The following DNAJC1 variants were observed in gnomAD, a reference collection of about 807,000 sequenced individuals.
DNAJC1 encodes dnaJ homolog subfamily C member 1.
DNAJC1 carries 58 observed loss-of-function variants against 76.6 expected under a neutral mutation model. The observed-to-expected ratio is 0.76, with a 90% CI of 0.61 to 0.94. The LOEUF (loss-of-function observed/expected upper bound fraction) is 0.94, where lower values mean the gene tolerates loss of function less well. DNAJC1 is among the 40% of genes least tolerant of loss of function. The pLI, the probability that DNAJC1 is intolerant of heterozygous loss-of-function variation, is 0.00. For missense variants in DNAJC1, 689 were observed against 677.3 expected, an observed-to-expected ratio of 1.02 and a Z score of -0.19; for synonymous variants, 258 against 267.9, an observed-to-expected ratio of 0.96 and a Z score of 0.36.
rs75706373 is a variant in DNAJC1 at position 21,930,856 on chromosome 10, T to C, written c.223-1715A>G. Among the ~76,000 whole-genome samples, 482 of 152,348 alleles carry C rather than the reference T, an allele frequency of 3.2e-3. 4 individuals carry two copies. The highest frequency in any genetic ancestry group is 0.011 in the African/African-American group (448 of 41,576). On this transcript the variant is annotated intron_variant, in intron 1 of 11. Coordinates refer to ENST00000376980, the MANE Select transcript of DNAJC1 (RefSeq NM_022365.4). ...AATAACCAATCTCTAATTGGGATTT[T>C]AATTGTAGATTTTTTTAAATTGGGA...
intron 1 of DNAJC1, among the ~76,000 whole-genome samples, chr10:21,974,100 CAAAA>C (rs576578440): frequency 1.3e-5 from 1 of 74,362 alleles, no homozygotes. Flanking sequence ...AGACCCGTCT[CAAAA>C]AAAAAAAAAA....
chr10:21,881,077 C>T (rs1000755676), intron 8 of DNAJC1, among the ~76,000 whole-genome samples: 6 of 152,184 alleles, frequency 3.9e-5, no homozygotes, highest in Admixed American at 3.3e-4. Flanking sequence ...TTCCTTAAGC[C>T]TAATGAACCA....
intron 8 of DNAJC1, among the ~76,000 whole-genome samples, chr10:21,818,675 C>A (rs1157736350): frequency 6.6e-6 from 1 of 152,084 alleles, no homozygotes; most frequent in African/African-American, 2.4e-5. Context: ...CTGGCCGACG[C>A]TTAGGAAAAA....
intron 1 of DNAJC1, among the ~76,000 whole-genome samples, chr10:21,962,460 T>C (rs1423879440): frequency 7.9e-5 from 1 of 12,728 alleles, no homozygotes; most frequent in Non-Finnish European, 1.3e-4. Flanking sequence ...ATTTTATTGC[T>C]TTTTTTTTTT....
intron 9 of DNAJC1, among the ~76,000 whole-genome samples, chr10:21,790,159 T>TAA (rs779854863): frequency 2.6e-5 from 3 of 114,962 alleles, no homozygotes; most frequent in Non-Finnish European, 3.7e-5. Flanking sequence ...ATCAAAAAAG[T>TAA]AAAAAAAAAA....
intron 8 of DNAJC1, among the ~76,000 whole-genome samples, chr10:21,830,958 T>A (rs950543130): frequency 2.0e-5 from 3 of 152,234 alleles, no homozygotes; most frequent in Admixed American, 6.5e-5. Flanking sequence ...ATCTCTTTAA[T>A]CATTATAGAA....
At chr10:21,965,762 C>T (rs75401859) in intron 1 of DNAJC1, among the ~76,000 whole-genome samples, 2,666 of 152,244 alleles carry the variant, frequency 0.018, 39 homozygotes, top group Middle Eastern at 0.048. Context: ...AGGGTGGACG[C>T]GTTCCTCCTA....
chr10:21,909,228 T>C (rs552104969), intron 6 of DNAJC1, among the ~76,000 whole-genome samples: 1 of 152,338 alleles, frequency 6.6e-6, no homozygotes, highest in African/African-American at 2.4e-5. Flanking sequence ...CCTGCCTTCA[T>C]AGACATCAAA....
chr10:21,798,101 G>A (rs7093279), intron 9 of DNAJC1, among the ~76,000 whole-genome samples: 5 of 152,240 alleles, frequency 3.3e-5, no homozygotes, highest in South Asian at 2.1e-4. Context: ...AATCATTTCC[G>A]CTCACAGTTC....
chr10:21,895,189 G>A (rs1836521621), intron 7 of DNAJC1, among the ~76,000 whole-genome samples: 1 of 152,190 alleles, frequency 6.6e-6, no homozygotes, highest in South Asian at 2.1e-4. Flanking sequence ...CATTAAGCAT[G>A]TTTCCAGTGA....
intron 9 of DNAJC1, among the ~76,000 whole-genome samples, chr10:21,796,032 T>C (rs1834747329): frequency 6.6e-6 from 1 of 150,854 alleles, no homozygotes; most frequent in Non-Finnish European, 1.5e-5. Flanking sequence ...TGTAGTGGCA[T>C]GATCTTGGCT....
At chr10:21,825,428 T>C (rs1345910382) in intron 8 of DNAJC1, among the ~76,000 whole-genome samples, 1 of 152,244 alleles carries the variant, frequency 6.6e-6, no homozygotes, top group Non-Finnish European at 1.5e-5. Context: ...TTAGTCAATC[T>C]AGTGATGAAC....
chr10:21,891,846 A>C (rs1195765043), intron 7 of DNAJC1, among the ~76,000 whole-genome samples: 1 of 152,206 alleles, frequency 6.6e-6, no homozygotes, highest in Non-Finnish European at 1.5e-5. Flanking sequence ...TAAATCATAA[A>C]AGAAAATATA....
intron 7 of DNAJC1, among the ~76,000 whole-genome samples, chr10:21,887,175 C>A (rs1189927917): frequency 6.6e-6 from 1 of 151,986 alleles, no homozygotes; most frequent in Non-Finnish European, 1.5e-5. Context: ...AGGAATACAG[C>A]CAACCAGGGA....
In DNAJC1 at chr10:21,813,220, CTATATA is replaced by C. The variant is rs777283982; in HGVS notation, c.979-7127_979-7122del. 8.9e-3 allele frequency among the ~76,000 whole-genome samples: 169 copies of C among 19,070 alleles called. 2 individuals carry two copies. Among genetic ancestry groups the C allele is most frequent in the East Asian group, 0.016 (14 of 854 alleles). 12.5% of individuals were successfully genotyped at this position (19,070 alleles called of 152,430 possible). A position where few individuals can be genotyped will look rare whatever the true frequency, so the allele number is the denominator to read the frequency against. ...TCTCTCTCTCTCTCTCTCTCTCTCT[CTATATA>C]TATATATATATATATATACACATAC... On this transcript the variant is annotated intron_variant, in intron 8 of 11. Transcript: ENST00000376980.
At chr10:21,879,442 G>A (rs865887625) in intron 8 of DNAJC1, among the ~76,000 whole-genome samples, 16 of 152,020 alleles carry the variant, frequency 1.1e-4, no homozygotes, top group South Asian at 2.1e-4. Context: ...TGGCCAACAC[G>A]GTGAAACCCC....
intron 1 of DNAJC1, among the ~76,000 whole-genome samples, chr10:21,947,280 C>G (rs1023087252): frequency 3.3e-5 from 5 of 152,084 alleles, no homozygotes; most frequent in African/African-American, 1.2e-4. Context: ...CCCTTGAACA[C>G]CAGGAGTTTG....
rs747446878 is a variant in DNAJC1, at chr10:21,924,461, G to A, written c.372-3498C>T. Among the ~76,000 whole-genome samples the A allele has an allele frequency of 3.3e-5, 5 of 152,006 alleles. No individual in the cohort carries two copies. The Middle Eastern group carries it at 0.01, about 310-fold the overall frequency. ...GCAAAAGAAGACTGGTTAAAAATTCGTAATAGATTTTGAACAAAAGTAGGT... is the reference window on the plus strand; with the variant it reads ...GCAAAAGAAGACTGGTTAAAAATTCATAATAGATTTTGAACAAAAGTAGGT... On this transcript the variant is annotated intron_variant, in intron 3 of 11. Transcript: ENST00000376980.
chr10:21,950,111 C>T (rs943159903), intron 1 of DNAJC1, among the ~76,000 whole-genome samples: 3 of 151,798 alleles, frequency 2.0e-5, no homozygotes, highest in Admixed American at 2.0e-4. Flanking sequence ...ATCCACCTCA[C>T]TTTATTGTGC....
Sources: allele counts gnomAD v4.1 joint callset (sites outside exome capture counted in the v4.1 genomes callset), GRCh38; gene constraint gnomAD v4.1.1; transcripts MANE v1.5; gene names NCBI Gene and HGNC (gene_info 2026-07-23, HGNC 2026-07-21).